The following SUPV3L1 variants were observed in gnomAD, a reference collection of about 807,000 sequenced individuals.
SUPV3L1 encodes the protein ATP-dependent RNA helicase SUPV3L1, mitochondrial.
In SUPV3L1, 35 loss-of-function variants were observed where a neutral mutation model predicts 70.0. That is an observed-to-expected ratio of 0.50 (90% CI 0.38 to 0.66). The LOEUF (loss-of-function observed/expected upper bound fraction) is 0.66. Ranked by LOEUF, SUPV3L1 falls within the 30% of genes least tolerant of loss-of-function variation. The probability of loss-of-function intolerance (pLI) is 0.00; values close to 1 mark genes in which losing one functional copy is unlikely to be tolerated. For synonymous variants in SUPV3L1, 364 were observed against 341.9 expected (o/e 1.06, Z -0.71); for missense variants, 777 against 961.5 (o/e 0.81, Z 2.54).
intron 14 of SUPV3L1, among the ~76,000 whole-genome samples, chr10:69,208,393 A>G (rs1257000235): frequency 1.3e-5 from 2 of 152,228 alleles, no homozygotes; most frequent in Admixed American, 6.5e-5. Context: ...ATCAGAGTCT[A>G]TTGAGGTATA....
At position 69,191,807 on chromosome 10, in the gene SUPV3L1, T is replaced by A. The variant is rs773554554; in HGVS notation, c.853+41T>A. The stretch of plus-strand genomic sequence containing the variant: ...TTAAGAAACTATGGTTTGGTATTTT[T>A]AATTTTTTTTTTTTTTCAAGACAGA... On this transcript the variant is annotated intron_variant, in intron 6 of 14. Transcript: ENST00000359655. 4 of 1,504,936 alleles carry A rather than the reference T, an allele frequency of 2.7e-6. No homozygotes were observed. The South Asian group carries it at 3.5e-5, about 13-fold the overall frequency. The allele number at this position is 1,504,936 out of a possible 1,614,324, so 93.2% of individuals were successfully genotyped here.
chr10:69,183,664 A>G (rs1414496301), intron 1 of SUPV3L1, among the ~76,000 whole-genome samples: 2 of 152,186 alleles, frequency 1.3e-5, no homozygotes, highest in Non-Finnish European at 2.9e-5. Flanking sequence ...CCTGGGTGAC[A>G]AGAGTGAGAC....
At chr10:69,185,544 T>C (rs1842198730) in intron 1 of SUPV3L1, among the ~76,000 whole-genome samples, 1 of 148,506 alleles carries the variant, frequency 6.7e-6, no homozygotes, top group African/African-American at 2.5e-5. Flanking sequence ...CTCTGTCTCC[T>C]AGGCTGGAGT....
At position 69,198,266 on chromosome 10, in the gene SUPV3L1, T is replaced by C. The variant is rs16926145; in HGVS notation, c.1024-106T>C. ...TTCTTTTGAAAAACATTGGTACTTA[T>C]CAGTTTTTAGCTACTCTTAACTGCA... is the stretch of plus-strand genomic sequence containing the variant. On this transcript the variant is annotated intron_variant, in intron 8 of 14. Coordinates refer to ENST00000359655, the MANE Select transcript of SUPV3L1 (RefSeq NM_003171.5). 7.2e-3 allele frequency: 6,721 copies of C among 927,470 alleles called. 655 individuals are homozygous for C. In the Admixed American group the frequency reaches 0.15, roughly 20 times the overall value. 57.5% of individuals were successfully genotyped at this position (927,470 alleles called of 1,614,324 possible). A position where few individuals can be genotyped will look rare whatever the true frequency, so the allele number is the denominator to read the frequency against.
intron 13 of SUPV3L1, among the ~76,000 whole-genome samples, chr10:69,207,549 C>T (rs1174899566): frequency 6.6e-6 from 1 of 151,978 alleles, no homozygotes; most frequent in Non-Finnish European, 1.5e-5. Context: ...CTCCTGGGCT[C>T]AAGTGATCTA....
intron 6 of SUPV3L1, 97 bp from the exon 7 acceptor site, chr10:69,195,091 G>C: frequency 1.2e-6 from 1 of 860,906 alleles, no homozygotes; most frequent in South Asian, 1.8e-5. Flanking sequence ...AGTGATGGTG[G>C]TAGTGGTGAT....
chr10:69,208,257 C>A (rs1444438551), intron 14 of SUPV3L1, among the ~76,000 whole-genome samples: 1 of 152,186 alleles, frequency 6.6e-6, no homozygotes, highest in Non-Finnish European at 1.5e-5. Context: ...CAGGCCCATG[C>A]CTGACTTGAT....
rs1445002087 is a variant in SUPV3L1 at position 69,184,589 on chromosome 10, A to C, written c.272-1398A>C. Among the ~76,000 whole-genome samples the C allele has an allele frequency of 2.0e-5, 3 of 150,192 alleles. No homozygotes were observed. In the East Asian group the frequency reaches 5.8e-4, roughly 29 times the overall value. On this transcript the variant is annotated intron_variant, in intron 1 of 14. Transcript: ENST00000359655. ...CCGGCACAAAGTAACAGAGACCCAG[A>C]AATCTGCCTGTGATCTGAAATATAA... is the stretch of plus-strand genomic sequence containing the variant.
intron 10 of SUPV3L1, among the ~76,000 whole-genome samples, chr10:69,199,446 A>C (rs1842628698): frequency 6.6e-6 from 1 of 152,154 alleles, no homozygotes; most frequent in African/African-American, 2.4e-5. Flanking sequence ...CAGTGATCAA[A>C]TTGTAGCTCA....
intron 11 of SUPV3L1, among the ~76,000 whole-genome samples, chr10:69,202,071 C>T (rs1842697154): frequency 2.1e-5 from 3 of 145,310 alleles, no homozygotes; most frequent in African/African-American, 7.7e-5. Flanking sequence ...AATCTCCTGA[C>T]CTCGTGATCC....
chr10:69,198,360 T>A lies in SUPV3L1; in HGVS notation c.1024-12T>A, dbSNP rs779262412. 6.4e-7 allele frequency: 1 copy of A among 1,568,506 alleles called. No homozygotes were observed. Among genetic ancestry groups the A allele is most frequent in the Non-Finnish European group, 8.6e-7 (1 of 1,159,406 alleles). On this transcript the variant is annotated splice_polypyrimidine_tract_variant and intron_variant, in intron 8 of 14. Transcript: ENST00000359655. ...GGGTGTGTCATTTTGCCATTTCATG[T>A]CTTTATTGTAGGTTCGAGACTATAA...
chr10:69,197,222 G>T (rs1842566965), intron 8 of SUPV3L1, 139 bp downstream of exon 8: 1 of 673,256 alleles, frequency 1.5e-6, no homozygotes, highest in Non-Finnish European at 2.6e-6. Context: ...TGATCAACTA[G>T]ACCATATATA....
chr10:69,196,610 G>A (rs1017536860), intron 7 of SUPV3L1, among the ~76,000 whole-genome samples: 4 of 152,084 alleles, frequency 2.6e-5, no homozygotes, highest in Admixed American at 6.6e-5. Context: ...GGAGCTTGGA[G>A]TTTCTTCTGC....
rs1479225844 is a variant in SUPV3L1 at position 69,180,436 on chromosome 10, T to G, written c.145T>G (p.Ser49Ala). 6.2e-7 allele frequency: 1 copy of G among 1,614,124 alleles called. No individual in the cohort carries two copies. Among genetic ancestry groups the G allele is most frequent in the Non-Finnish European group, 8.5e-7 (1 of 1,180,050 alleles). The part of the protein sequence containing the change: ...LGQVSVLATA[S>A]SSASGGSKIP... The stretch of plus-strand genomic sequence containing the variant: ...GCAAGTTTCTGTCCTTGCCACCGCC[T>G]CCTCCTCTGCCTCCGGTGGCTCCAA... The change falls in exon 1 of 15, where the codon TCC (serine) becomes GCC (alanine). Residue 49 changes from serine to alanine, a missense_variant. By Grantham distance (99) the Ser-to-Ala change is moderately conservative. Around this residue, in one of 2 missense-constraint regions of SUPV3L1, gnomAD observed 158 missense variants for 138.3 expected, o/e 1.14. Transcript: ENST00000359655.
In SUPV3L1 at chr10:69,208,752, C is replaced by A; in HGVS notation, c.2078C>A (p.Ser693Ter). Residue 693 changes from serine to a stop codon, truncating the protein, a stop_gained, in exon 15 of 15, where the codon TCA becomes TAA. Coordinates refer to ENST00000359655, the MANE Select transcript of SUPV3L1 (RefSeq NM_003171.5). LOFTEE classifies it low-confidence loss of function (END_TRUNC). The stretch of plus-strand genomic sequence containing the variant: ...CTGTTGAATTTGGAGGGCTTTCCAT[C>A]AGGGAGCCAGTCACGATTGTCAGGA... ...HKLLNLEGFP[S>*]GSQSRLSGTL... 1 of 1,614,166 alleles carries A rather than the reference C, an allele frequency of 6.2e-7. No homozygotes were observed.
At chr10:69,185,848 A>C (rs1842210392) in intron 1 of SUPV3L1, 139 bp from the exon 2 acceptor site, 1 of 731,966 alleles carries the variant, frequency 1.4e-6, no homozygotes, top group African/African-American at 1.8e-5. Flanking sequence ...ATTCATAAAG[A>C]AGGATCGACT....
intron 7 of SUPV3L1, among the ~76,000 whole-genome samples, chr10:69,196,045 CTTA>C (rs2132289295): frequency 6.6e-6 from 1 of 152,218 alleles, no homozygotes; most frequent in Admixed American, 6.5e-5. Flanking sequence ...CTACACCCAG[CTTA>C]TTTTTTATCT....
At chr10:69,197,634 A>G (rs955145935) in intron 8 of SUPV3L1, among the ~76,000 whole-genome samples, 3 of 152,098 alleles carry the variant, frequency 2.0e-5, no homozygotes, top group East Asian at 1.9e-4. Flanking sequence ...CTGTGGTGCA[A>G]TCACAACTCA....
chr10:69,186,173 G>A (rs1385351638), intron 2 of SUPV3L1, 109 bp downstream of exon 2: 11 of 996,286 alleles, frequency 1.1e-5, no homozygotes, highest in Admixed American at 4.5e-5. Flanking sequence ...CTGGAGACAC[G>A]TCCCTGCTCT....
Sources: allele counts gnomAD v4.1 joint callset (sites outside exome capture counted in the v4.1 genomes callset), GRCh38; gene constraint gnomAD v4.1.1; regional missense constraint gnomAD v4.1.1; transcripts MANE v1.5; gene names NCBI Gene and HGNC (gene_info 2026-07-23, HGNC 2026-07-21).